TMCC1: variants seen among roughly 807,000 people sequenced by gnomAD.
TMCC1 encodes transmembrane and coiled-coil domains protein 1.
TMCC1 carries 15 observed loss-of-function variants against 52.4 expected under a neutral mutation model. The observed-to-expected ratio is 0.29, with a 90% confidence interval of 0.19 to 0.44. The LOEUF (loss-of-function observed/expected upper bound fraction) is 0.44. Ranked by LOEUF, TMCC1 falls within the 20% of genes least tolerant of loss-of-function variation. The pLI is 1.00. For synonymous variants in TMCC1, 279 were observed against 301.9 expected, an observed-to-expected ratio of 0.92 and a Z score of 0.79; for missense variants, 503 against 806.0, an observed-to-expected ratio of 0.62 and a Z score of 4.55.
At chr3:129,705,238 G>C (rs571596757) in intron 4 of TMCC1, among the ~76,000 whole-genome samples, 1 of 152,324 alleles carries the variant, frequency 6.6e-6, no homozygotes, top group South Asian at 2.1e-4. Context: ...AGAGCAGAGA[G>C]AGGTGGAATA....
At chr3:129,805,613 C>T (rs920926285) in intron 4 of TMCC1, among the ~76,000 whole-genome samples, 1 of 152,106 alleles carries the variant, frequency 6.6e-6, no homozygotes, top group South Asian at 2.1e-4. Flanking sequence ...GACTAGAATC[C>T]GTTTGTTTCT....
At chr3:129,798,560 G>A (rs1281745507) in intron 4 of TMCC1, among the ~76,000 whole-genome samples, 1 of 149,944 alleles carries the variant, frequency 6.7e-6, no homozygotes, top group East Asian at 1.9e-4. Context: ...AAGGAGACAG[G>A]GGTGTGAAAC....
At chr3:129,761,200 C>CGCCTGTGG (rs1355334349) in intron 4 of TMCC1, among the ~76,000 whole-genome samples, 1 of 151,916 alleles carries the variant, frequency 6.6e-6, no homozygotes, top group Non-Finnish European at 1.5e-5. Flanking sequence ...TAGTGGCAGG[C>CGCCTGTGG]GCCTGTGGTC....
chr3:129,831,852 A>G (rs1292032506), intron 3 of TMCC1, among the ~76,000 whole-genome samples: 1 of 152,024 alleles, frequency 6.6e-6, no homozygotes, highest in African/African-American at 2.4e-5. Context: ...AAAATTCCCC[A>G]ATTAACTATT....
chr3:129,783,170 T>G (rs1298314465), intron 4 of TMCC1, among the ~76,000 whole-genome samples: 1 of 152,222 alleles, frequency 6.6e-6, no homozygotes, highest in Non-Finnish European at 1.5e-5. Context: ...TTCAGATGAA[T>G]GACATATGAT....
intron 4 of TMCC1, among the ~76,000 whole-genome samples, chr3:129,707,634 C>A: frequency 6.6e-6 from 1 of 152,136 alleles, no homozygotes; most frequent in East Asian, 1.9e-4. Context: ...TTATTGCAAA[C>A]ATTTTAAAGT....
At chr3:129,767,585 G>A (rs1314633999) in intron 4 of TMCC1, among the ~76,000 whole-genome samples, 1 of 152,074 alleles carries the variant, frequency 6.6e-6, no homozygotes, top group African/African-American at 2.4e-5. Flanking sequence ...TACTGCCCAG[G>A]CTACGGTTAA....
intron 2 of TMCC1, among the ~76,000 whole-genome samples, chr3:129,862,410 G>C (rs1301554910): frequency 1.3e-5 from 2 of 152,136 alleles, no homozygotes; most frequent in African/African-American, 2.4e-5. Context: ...ATGTTAATAG[G>C]AGAAATGGGT....
intron 1 of TMCC1, among the ~76,000 whole-genome samples, chr3:129,885,894 G>A (rs76086925): frequency 1.0e-4 from 15 of 150,286 alleles, no homozygotes; most frequent in African/African-American, 1.5e-4. Flanking sequence ...AGGCGCCCAC[G>A]ACCACGCCCA....
At chr3:129,788,555 C>T (rs540802653) in intron 4 of TMCC1, among the ~76,000 whole-genome samples, 203 of 152,026 alleles carry the variant, frequency 1.3e-3, no homozygotes, top group African/African-American at 3.9e-3. Context: ...CTCTGCCTCC[C>T]GGGTTGACGC....
chr3:129,854,360 C>T (rs1011045321), intron 2 of TMCC1, among the ~76,000 whole-genome samples: 1 of 146,740 alleles, frequency 6.8e-6, no homozygotes, highest in African/African-American at 2.5e-5. Flanking sequence ...CACACTTCAG[C>T]GTGGGCAACA....
At chr3:129,747,400 C>A (rs1457450012) in intron 4 of TMCC1, among the ~76,000 whole-genome samples, 1 of 152,096 alleles carries the variant, frequency 6.6e-6, no homozygotes, top group East Asian at 1.9e-4. Flanking sequence ...TATTTGGCTC[C>A]ATTTATAAAC....
At chr3:129,794,029 A>G (rs761910678) in intron 4 of TMCC1, among the ~76,000 whole-genome samples, 14 of 152,210 alleles carry the variant, frequency 9.2e-5, no homozygotes, top group Non-Finnish European at 1.8e-4. Flanking sequence ...TCAACCCACA[A>G]TTATCTCTTT....
At chr3:129,771,774 C>CAAAAAAAAA (rs755523077) in intron 4 of TMCC1, among the ~76,000 whole-genome samples, 3 of 75,656 alleles carry the variant, frequency 4.0e-5, no homozygotes, top group African/African-American at 1.2e-4. Context: ...GACACTGTCT[C>CAAAAAAAAA]AAAAAAAAAA....
chr3:129,835,361 T>G lies in TMCC1; in HGVS notation c.-183-2535A>C, dbSNP rs532435767. The stretch of plus-strand genomic sequence containing the variant: ...TATATATATATTTTAATGACAGGCT[T>G]TTCCCATCTGTTAGCATATGCTTAG... On this transcript the variant is annotated intron_variant, in intron 2 of 6. Coordinates refer to ENST00000393238, the MANE Select transcript of TMCC1 (RefSeq NM_001017395.5). Among the ~76,000 whole-genome samples the G allele has an allele frequency of 3.9e-5, 6 of 152,004 alleles. No homozygotes were observed. The South Asian group carries it at 1.2e-3, about 32-fold the overall frequency.
At chr3:129,742,861 C>T (rs748582811) in intron 4 of TMCC1, among the ~76,000 whole-genome samples, 1 of 152,086 alleles carries the variant, frequency 6.6e-6, no homozygotes, top group Non-Finnish European at 1.5e-5. Context: ...ACCTTCAAAA[C>T]AATGTGCTAA....
chr3:129,752,870 T>A (rs758285620), intron 4 of TMCC1, among the ~76,000 whole-genome samples: 1 of 152,110 alleles, frequency 6.6e-6, no homozygotes, highest in Non-Finnish European at 1.5e-5. Context: ...GAAGCATGGC[T>A]GGGGAGGCCT....
chr3:129,832,360 G>A (rs539581988), intron 3 of TMCC1, among the ~76,000 whole-genome samples: 1 of 152,316 alleles, frequency 6.6e-6, no homozygotes, highest in South Asian at 2.1e-4. Flanking sequence ...GGTCGAAGGA[G>A]TGAAAGGGGA....
chr3:129,721,704 C>CAAAAAAAAAAAAAAAAAAA (rs765601986), intron 4 of TMCC1, among the ~76,000 whole-genome samples: 1 of 76,058 alleles, frequency 1.3e-5, no homozygotes. Context: ...ACTAAAAATA[C>CAAAAAAAAAAAAAAAAAAA]AAAAAAAAAA....
Sources: allele counts gnomAD v4.1 joint callset (sites outside exome capture counted in the v4.1 genomes callset), GRCh38; gene constraint gnomAD v4.1.1; transcripts MANE v1.5; gene names NCBI Gene and HGNC (gene_info 2026-07-23, HGNC 2026-07-21).